Variants in CREB5 observed in about 807,000 individuals in gnomAD.
The protein encoded by CREB5 is cyclic AMP-responsive element-binding protein 5.
Under a neutral mutation model 57.1 loss-of-function variants are expected in CREB5, and 19 were observed. That is an observed-to-expected ratio of 0.33 (90% CI 0.23 to 0.49). The LOEUF (loss-of-function observed/expected upper bound fraction) is 0.49, where lower values mean the gene tolerates loss of function less well. Among genes scored for constraint, CREB5 ranks in the 20% least tolerant of loss-of-function variants. The pLI is 0.99. For synonymous variants in CREB5, 238 were observed against 238.3 expected (o/e 1.00, Z 0.01); for missense variants, 579 against 671.6 (o/e 0.86, Z 1.52).
chr7:28,668,101 G>A lies in CREB5; in HGVS notation c.465-50652G>A, dbSNP rs41338. Among the ~76,000 whole-genome samples the A allele has an allele frequency of 3.2e-3, 485 of 152,206 alleles. 5 individuals carry two copies. The highest frequency in any genetic ancestry group is 0.011 in the African/African-American group (466 of 41,532). On this transcript the variant is annotated intron_variant, in intron 5 of 10. Coordinates refer to ENST00000357727, the MANE Select transcript of CREB5 (RefSeq NM_182898.4). ...CCAATCTATAGTTAGGTTGTACCAC[G>A]TTTAAGTCTCTTATAAACTCTACTT...
upstream of CREB5, among the ~76,000 whole-genome samples, chr7:28,411,221 C>G (rs1787784148): frequency 6.6e-6 from 1 of 152,164 alleles, no homozygotes; most frequent in African/African-American, 2.4e-5. Flanking sequence ...CTTAGGAAAG[C>G]AATACACCCA....
chr7:28,514,659 G>T (rs1329778048), intron 4 of CREB5, among the ~76,000 whole-genome samples: 2 of 152,212 alleles, frequency 1.3e-5, no homozygotes, highest in Non-Finnish European at 2.9e-5. Context: ...CTCCCAAAGT[G>T]CTGGGATTAC....
chr7:28,718,438 G>A (rs1015025366), intron 5 of CREB5, among the ~76,000 whole-genome samples: 11 of 152,202 alleles, frequency 7.2e-5, no homozygotes, highest in African/African-American at 2.7e-4. Flanking sequence ...GTAAACAAAG[G>A]ATTTCACCAC....
At chr7:28,731,906 G>A (rs1280725889) in intron 7 of CREB5, among the ~76,000 whole-genome samples, 1 of 152,170 alleles carries the variant, frequency 6.6e-6, no homozygotes, top group Non-Finnish European at 1.5e-5. Context: ...TTGCCAGCCA[G>A]CGTACGAATA....
At chr7:28,797,357 A>G (rs1431303123) in intron 7 of CREB5, among the ~76,000 whole-genome samples, 1 of 151,922 alleles carries the variant, frequency 6.6e-6, no homozygotes, top group Non-Finnish European at 1.5e-5. Context: ...TTCTAATACA[A>G]CTCCTTTGTG....
At chr7:28,562,658 G>C (rs1795325016) in intron 4 of CREB5, among the ~76,000 whole-genome samples, 1 of 152,204 alleles carries the variant, frequency 6.6e-6, no homozygotes, top group Non-Finnish European at 1.5e-5. Flanking sequence ...AAGGGGAGCT[G>C]CCTATGCATG....
chr7:28,519,863 A>G (rs1159160286), intron 4 of CREB5, among the ~76,000 whole-genome samples: 1 of 152,244 alleles, frequency 6.6e-6, no homozygotes, highest in Non-Finnish European at 1.5e-5. Context: ...GCAAAATCTC[A>G]GGATGCCAAA....
intron 5 of CREB5, among the ~76,000 whole-genome samples, chr7:28,588,945 G>A (rs569822905): frequency 3.3e-5 from 5 of 152,258 alleles, no homozygotes; most frequent in South Asian, 4.2e-4. Flanking sequence ...TCCCAGCAAC[G>A]TAGCTCCTCT....
upstream of CREB5, among the ~76,000 whole-genome samples, chr7:28,408,260 A>C (rs1322295535): frequency 6.6e-6 from 1 of 152,204 alleles, no homozygotes; most frequent in Non-Finnish European, 1.5e-5. Context: ...GGTTGGTGTG[A>C]GAAACAAGGG....
intron 5 of CREB5, among the ~76,000 whole-genome samples, chr7:28,703,258 C>A (rs937346991): frequency 6.6e-6 from 1 of 152,002 alleles, no homozygotes; most frequent in Non-Finnish European, 1.5e-5. Flanking sequence ...AGGGATGGAG[C>A]CAAGTGGATA....
chr7:28,333,901 G>A (rs1785763208), intron 1 of CREB5, among the ~76,000 whole-genome samples: 1 of 151,886 alleles, frequency 6.6e-6, no homozygotes, highest in Non-Finnish European at 1.5e-5. Context: ...CTTTCTTTTG[G>A]GTATATACCC....
intron 5 of CREB5, chr7:28,686,138 T>C: frequency 6.2e-7 from 1 of 1,613,824 alleles, no homozygotes; most frequent in East Asian, 2.2e-5. Context: ...CACACACTCA[T>C]TCCAGAGCTC....
At chr7:28,452,139 C>T (rs1354771798) in intron 1 of CREB5, among the ~76,000 whole-genome samples, 1 of 152,160 alleles carries the variant, frequency 6.6e-6, no homozygotes, top group African/African-American at 2.4e-5. Context: ...TGCAGAATCT[C>T]AGCACTTTGT....
At chr7:28,355,320 C>G (rs1390522920) in intron 1 of CREB5, among the ~76,000 whole-genome samples, 1 of 152,204 alleles carries the variant, frequency 6.6e-6, no homozygotes, top group Non-Finnish European at 1.5e-5. Flanking sequence ...GGCTCAGTTT[C>G]TTTCTGCTGA....
intron 1 of CREB5, among the ~76,000 whole-genome samples, chr7:28,429,033 A>G (rs928531208): frequency 4.6e-5 from 7 of 152,092 alleles, no homozygotes; most frequent in African/African-American, 1.7e-4. Context: ...TTTAAAAAAA[A>G]GTTTTTTTTT....
chr7:28,658,521 A>T (rs943812549), intron 5 of CREB5, among the ~76,000 whole-genome samples: 2 of 152,214 alleles, frequency 1.3e-5, no homozygotes, highest in African/African-American at 4.8e-5. Flanking sequence ...TTGCAAGAGA[A>T]GCCAGTCCCT....
chr7:28,399,400 A>T (rs1787402631), intron 1 of CREB5, among the ~76,000 whole-genome samples: 1 of 145,930 alleles, frequency 6.9e-6, no homozygotes, highest in Admixed American at 6.9e-5. Context: ...ACTATATTAC[A>T]AAACAGCATC....
At chr7:28,743,641 G>A (rs1804504328) in intron 7 of CREB5, among the ~76,000 whole-genome samples, 1 of 152,150 alleles carries the variant, frequency 6.6e-6, no homozygotes, top group Admixed American at 6.5e-5. Context: ...TTAAACCACA[G>A]AAATTCATTT....
At chr7:28,780,723 T>A (rs1985210) in intron 7 of CREB5, among the ~76,000 whole-genome samples, 98,650 of 151,932 alleles carry the variant, frequency 0.65, 32,288 homozygotes, top group African/African-American at 0.69. Flanking sequence ...ATCAAAGCTT[T>A]TTAGATTCCC....
Sources: allele counts gnomAD v4.1 joint callset (sites outside exome capture counted in the v4.1 genomes callset), GRCh38; gene constraint gnomAD v4.1.1; transcripts MANE v1.5; gene names NCBI Gene and HGNC (gene_info 2026-07-23, HGNC 2026-07-21).